The following NKX1-1 variants were observed in gnomAD, a reference collection of about 807,000 sequenced individuals.
NKX1-1 encodes NK1 transcription factor-related protein 1.
A neutral mutation model predicts 1.7 loss-of-function variants in NKX1-1; 7 were observed. The ratio of observed to expected loss-of-function variants is 4.22; its 90% CI spans 2.40 to 7.92. The LOEUF (loss-of-function observed/expected upper bound fraction) is 7.92. Ranked by LOEUF, NKX1-1 falls within the 30% of genes most tolerant of loss-of-function variation. The probability of loss-of-function intolerance (pLI) is 0.00; values close to 1 mark genes in which losing one functional copy is unlikely to be tolerated. For synonymous variants in NKX1-1, 242 were observed against 85.3 expected, an observed-to-expected ratio of 2.84 and a Z score of -10.13; for missense variants, 453 against 171.5, an observed-to-expected ratio of 2.64 and a Z score of -9.17.
chr4:1,406,086 G>T lies in NKX1-1; in HGVS notation c.357C>A (p.Cys119Ter). The change falls in exon 1 of 2, where the codon TGC becomes TGA. Residue 119 changes from cysteine (C) to a stop codon, truncating the protein, a stop_gained. Coordinates refer to ENST00000422806, the MANE Select transcript of NKX1-1 (RefSeq NM_001290079.1). LOFTEE classifies it high-confidence loss of function. ...GTCCCGAGGCGGCGGGTGCAGGGGCGCATGGGGCCGAAGCGCAAGGGGCGC... is the reference window on the plus strand; with the variant it reads ...GTCCCGAGGCGGCGGGTGCAGGGGCTCATGGGGCCGAAGCGCAAGGGGCGC... ...AACAPCASAP[C>*]APAPAASGRP... The T allele has an allele frequency of 1.9e-6, 1 of 537,176 alleles. No individual in the cohort carries two copies. Among genetic ancestry groups the T allele is most frequent in the East Asian group, 3.5e-5 (1 of 28,458 alleles). The allele number at this position is 537,176 out of a possible 1,614,324, so 33.3% of individuals were successfully genotyped here. A position where few individuals can be genotyped will look rare whatever the true frequency, so the allele number is the denominator to read the frequency against.
At chr4:1,405,754 G>A (rs1025507393) in intron 1 of NKX1-1, among the ~76,000 whole-genome samples, 2 of 152,202 alleles carry the variant, frequency 1.3e-5, no homozygotes, top group African/African-American at 4.8e-5. Context: ...CAGCCCCTGG[G>A]CCTGACCCGG....
chr4:1,404,904 C>T (rs1358306548), intron 1 of NKX1-1, among the ~76,000 whole-genome samples: 3 of 152,244 alleles, frequency 2.0e-5, no homozygotes, highest in Non-Finnish European at 2.9e-5. Context: ...GAGTAGGATC[C>T]GCCCCTAGAC....
At chr4:1,404,540 C>T (rs1720718820) in intron 1 of NKX1-1, among the ~76,000 whole-genome samples, 1 of 152,248 alleles carries the variant, frequency 6.6e-6, no homozygotes, top group Non-Finnish European at 1.5e-5. Context: ...GCGTGCAGGT[C>T]GGAGTGGCTC....
chr4:1,403,306 C>T lies in NKX1-1; in HGVS notation c.973G>A (p.Glu325Lys). The change falls in exon 2 of 2, where the codon GAG becomes AAG. Residue 325 changes from glutamate to lysine, a missense_variant. Coordinates refer to ENST00000422806, the MANE Select transcript of NKX1-1 (RefSeq NM_001290079.1). The stretch of plus-strand genomic sequence containing the variant: ...AGCGACAGCGCCAGGTTGAGGCGCT[C>T]GCACACCGACAGGTAGCGCGTGGCC... ...FKATRYLSVC[E>K]RLNLALSLSL... The T allele has an allele frequency of 1.4e-6, 1 of 709,682 alleles. No homozygotes were observed. 44.0% of individuals were successfully genotyped at this position (709,682 alleles called of 1,614,324 possible).
At chr4:1,403,894 C>T in intron 1 of NKX1-1, 79 bp from the exon 2 acceptor site, 3 of 523,018 alleles carry the variant, frequency 5.7e-6, no homozygotes, top group Non-Finnish European at 6.8e-6. Context: ...GCGCGCCCCG[C>T]TTCCTCCCCC....
chr4:1,403,635 C>A lies in NKX1-1; in HGVS notation c.644G>T (p.Gly215Val), dbSNP rs1272646199. Residue 215 changes from glycine (G) to valine (V), a missense_variant, in exon 2 of 2, where the codon GGA becomes GTA. Coordinates refer to ENST00000422806, the MANE Select transcript of NKX1-1 (RefSeq NM_001290079.1). ...EAARGAEEAR[G>V]GGGGLGARGS... ...GCGGGCCCCGAGGCCGCCGCCGCCT[C>A]CCCGCGCCTCCTCCGCGCCTCGCGC... 3.7e-6 allele frequency: 2 copies of A among 543,078 alleles called. No individual in the cohort carries two copies. Among genetic ancestry groups the A allele is most frequent in the African/African-American group, 2.0e-5 (1 of 49,932 alleles). 33.6% of individuals were successfully genotyped at this position (543,078 alleles called of 1,614,324 possible).
At chr4:1,405,674 C>T (rs572631826) in intron 1 of NKX1-1, among the ~76,000 whole-genome samples, 2 of 152,232 alleles carry the variant, frequency 1.3e-5, no homozygotes, top group African/African-American at 4.8e-5. Flanking sequence ...GGCCCCTCGC[C>T]TCCTGCACCA....
At chr4:1,404,944 G>C (rs889237081) in intron 1 of NKX1-1, among the ~76,000 whole-genome samples, 1 of 152,168 alleles carries the variant, frequency 6.6e-6, no homozygotes, top group East Asian at 1.9e-4. Context: ...GCCCTGCCCC[G>C]GGTGCCTGGC....
chr4:1,405,907 C>T, intron 1 of NKX1-1, 73 bp downstream of exon 1: 1 of 416,556 alleles, frequency 2.4e-6, no homozygotes, highest in Non-Finnish European at 4.2e-6. Flanking sequence ...GCCACGGTGT[C>T]CCAGGGTCGT....
intron 1 of NKX1-1, among the ~76,000 whole-genome samples, chr4:1,405,724 G>A (rs558280133): frequency 2.8e-4 from 43 of 152,314 alleles, no homozygotes; most frequent in African/African-American, 9.9e-4. Context: ...GGCGAACCCT[G>A]GACCGGCCTC....
chr4:1,403,262 C>G lies in NKX1-1; in HGVS notation c.1017G>C (p.Gln339His). The change falls in exon 2 of 2, where the codon CAG (glutamine) becomes CAC (histidine). Residue 339 changes from glutamine to histidine, a missense_variant. Coordinates refer to ENST00000422806, the MANE Select transcript of NKX1-1 (RefSeq NM_001290079.1). ...GGCGGTTCTGGAACCAGATCTTCAC[C>G]TGCGTCTCGGTGAGGCTGAGCGACA... ...LALSLSLTET[Q>H]VKIWFQNRRT... The G allele has an allele frequency of 1.4e-6, 1 of 737,594 alleles. No homozygotes were observed. The highest frequency in any genetic ancestry group is 2.5e-6 in the Non-Finnish European group (1 of 398,386). The allele number at this position is 737,594 out of a possible 1,614,324, so 45.7% of individuals were successfully genotyped here. A position where few individuals can be genotyped will look rare whatever the true frequency, so the allele number is the denominator to read the frequency against.
rs1180034576 is a variant in NKX1-1 at position 1,406,430 on chromosome 4, C to T, written c.13G>A (p.Gly5Ser). 2.1e-5 allele frequency: 7 copies of T among 339,414 alleles called. No individual in the cohort carries two copies. The highest frequency in any genetic ancestry group is 3.2e-5 in the Non-Finnish European group (6 of 188,510). 21.0% of individuals were successfully genotyped at this position (339,414 alleles called of 1,614,324 possible). A position where few individuals can be genotyped will look rare whatever the true frequency, so the allele number is the denominator to read the frequency against. Reference sequence around the variant, plus strand: ...GGAATGTCCCCAGGAGCCTCGGGGCCGCTAGCGCTCATGCCGGCCTCCCGC... The same window carrying T: ...GGAATGTCCCCAGGAGCCTCGGGGCTGCTAGCGCTCATGCCGGCCTCCCGC... MSAS[G>S]PEAPGDIPAL... The change falls in exon 1 of 2, where the codon GGC becomes AGC. Residue 5 changes from glycine to serine, a missense_variant. By Grantham distance (56) the Gly-to-Ser change is moderately conservative. Transcript: ENST00000422806.
chr4:1,403,088 G>A lies in NKX1-1; in HGVS notation c.1191C>T (p.Leu397=), dbSNP rs1225631249. 4 of 448,880 alleles carry A rather than the reference G, an allele frequency of 8.9e-6. No homozygotes were observed. Among genetic ancestry groups the A allele is most frequent in the South Asian group, 4.5e-5 (1 of 22,382 alleles). The allele number at this position is 448,880 out of a possible 1,614,324, so 27.8% of individuals were successfully genotyped here. ...LSPSPPMGAP[L]GMHGPAGYPA... is the part of the protein sequence containing the mutation. ...GGTACCCGGCCGGGCCGTGCATGCCGAGCGGGGCGCCCATGGGCGGCGAGG... is the reference window on the plus strand; with the variant it reads ...GGTACCCGGCCGGGCCGTGCATGCCAAGCGGGGCGCCCATGGGCGGCGAGG... The change falls in exon 2 of 2, where the codon CTC becomes CTT. Residue 397 remains leucine, a synonymous_variant. Transcript: ENST00000422806.
Position 1,403,325 on chromosome 4 carries a change from C to A in NKX1-1, c.954G>T (p.Thr318=). 1 of 721,144 alleles carries A rather than the reference C, an allele frequency of 1.4e-6. No individual in the cohort carries two copies. 44.7% of individuals were successfully genotyped at this position (721,144 alleles called of 1,614,324 possible). A position where few individuals can be genotyped will look rare whatever the true frequency, so the allele number is the denominator to read the frequency against. ...LVALENKFKA[T]RYLSVCERLN... The stretch of plus-strand genomic sequence containing the variant: ...GGCGCTCGCACACCGACAGGTAGCG[C>A]GTGGCCTTGAACTTGTTCTCCAGCG... The change falls in exon 2 of 2, where the codon ACG becomes ACT. Residue 318 remains threonine (T), a synonymous_variant. Coordinates refer to ENST00000422806, the MANE Select transcript of NKX1-1 (RefSeq NM_001290079.1).
In NKX1-1 at chr4:1,406,109, C is replaced by T. The variant is rs141872547; in HGVS notation, c.334G>A (p.Ala112Thr). 1.6e-5 allele frequency: 9 copies of T among 579,862 alleles called. No individual in the cohort carries two copies. Among genetic ancestry groups the T allele is most frequent in the Non-Finnish European group, 2.1e-5 (7 of 325,754 alleles). 35.9% of individuals were successfully genotyped at this position (579,862 alleles called of 1,614,324 possible). A position where few individuals can be genotyped will look rare whatever the true frequency, so the allele number is the denominator to read the frequency against. Residue 112 changes from alanine (A) to threonine (T), a missense_variant, in exon 1 of 2, where the codon GCC becomes ACC. Transcript: ENST00000422806. The stretch of plus-strand genomic sequence containing the variant: ...GCGCATGGGGCCGAAGCGCAAGGGG[C>T]GCACGCAGCGGGAGCCACTGGGCCC... ...LLGPVAPAAC[A>T]PCASAPCAPA... is the part of the protein sequence containing the mutation.
rs111710573 is a variant in NKX1-1, at chr4:1,405,615, CG to C, written c.463+364del. Reference sequence around the variant, plus strand: ...AGAAAGGAGGGAGGGAGGGAGGCCTCGGGCGGGCACAGTGGGGGCGGGGAGG... The same window carrying C: ...AGAAAGGAGGGAGGGAGGGAGGCCTCGGCGGGCACAGTGGGGGCGGGGAGG... On this transcript the variant is annotated intron_variant, in intron 1 of 1. Coordinates refer to ENST00000422806, the MANE Select transcript of NKX1-1 (RefSeq NM_001290079.1). Among the ~76,000 whole-genome samples, 154 of 134,166 alleles carry C rather than the reference CG, an allele frequency of 1.1e-3. 2 individuals carry two copies. Among genetic ancestry groups the C allele is most frequent in the African/African-American group, 3.6e-3 (131 of 36,378 alleles). The allele number at this position is 134,166 out of a possible 152,430, so 88.0% of individuals were successfully genotyped here. A position where few individuals can be genotyped will look rare whatever the true frequency, so the allele number is the denominator to read the frequency against.
Position 1,403,077 on chromosome 4 carries a change from C to G in NKX1-1, c.1202G>C (p.Gly401Ala), listed in dbSNP as rs1201918852. 6.5e-6 allele frequency: 3 copies of G among 459,730 alleles called. No homozygotes were observed. Among genetic ancestry groups the G allele is most frequent in the Non-Finnish European group, 1.1e-5 (3 of 263,382 alleles). The allele number at this position is 459,730 out of a possible 1,614,324, so 28.5% of individuals were successfully genotyped here. A position where few individuals can be genotyped will look rare whatever the true frequency, so the allele number is the denominator to read the frequency against. ...PPMGAPLGMH[G>A]PAGYPAHGPG... ...GCCGTGCGCCGGGTACCCGGCCGGG[C>G]CGTGCATGCCGAGCGGGGCGCCCAT... The change falls in exon 2 of 2, where the codon GGC becomes GCC. Residue 401 changes from glycine to alanine, a missense_variant. Gly to Ala is a moderately conservative substitution (Grantham distance 60). Coordinates refer to ENST00000422806, the MANE Select transcript of NKX1-1 (RefSeq NM_001290079.1).
chr4:1,403,813 C>CGT lies in NKX1-1; in HGVS notation c.464_465dup (p.Ala156ThrfsTer186). 1 of 667,022 alleles carries CGT rather than the reference C, an allele frequency of 1.5e-6. No homozygotes were observed. Among genetic ancestry groups the CGT allele is most frequent in the Non-Finnish European group, 2.7e-6 (1 of 369,102 alleles). 41.3% of individuals were successfully genotyped at this position (667,022 alleles called of 1,614,324 possible). On this transcript the variant is annotated frameshift_variant and splice_region_variant, in exon 2 of 2. Transcript: ENST00000422806. LOFTEE classifies it low-confidence loss of function (END_TRUNC). Reference sequence around the variant, plus strand: ...TCCCCTGCCTTGAAGGGGTCGCCGGCGTCTGCGGGAGGGAGGGACAAGGAC... The same window carrying CGT: ...TCCCCTGCCTTGAAGGGGTCGCCGGCGTGTCTGCGGGAGGGAGGGACAAGGAC...
Position 1,402,944 on chromosome 4 carries a change from C to T in NKX1-1, c.1335G>A (p.Ala445=), listed in dbSNP as rs1720677091. The T allele has an allele frequency of 3.0e-6, 2 of 665,010 alleles. No homozygotes were observed. Among genetic ancestry groups the T allele is most frequent in the Non-Finnish European group, 5.4e-6 (2 of 369,478 alleles). 41.2% of individuals were successfully genotyped at this position (665,010 alleles called of 1,614,324 possible). The change falls in exon 2 of 2, where the codon GCG becomes GCA. Residue 445 remains alanine, a synonymous_variant. Transcript: ENST00000422806. ...AGCGGCACGGGGCTCAGAGGTGCGGCGCGTAGAAGGCGGGCGCCCCGTAGG... is the reference window on the plus strand; with the variant it reads ...AGCGGCACGGGGCTCAGAGGTGCGGTGCGTAGAAGGCGGGCGCCCCGTAGG... ...SQTYGAPAFY[A]PHL
Sources: allele counts gnomAD v4.1 joint callset (sites outside exome capture counted in the v4.1 genomes callset), GRCh38; gene constraint gnomAD v4.1.1; transcripts MANE v1.5; gene names NCBI Gene and HGNC (gene_info 2026-07-23, HGNC 2026-07-21).